AUNIP: variants seen among roughly 807,000 people sequenced by gnomAD.
AUNIP encodes aurora kinase A and ninein interacting protein, also known as aurora kinase A- and ninein-interacting protein.
A neutral mutation model predicts 12.2 loss-of-function variants in AUNIP; 16 were observed. That is an observed-to-expected ratio of 1.31 (90% confidence interval 0.88 to 1.99). The LOEUF is 1.99. AUNIP is among the 30% of genes most tolerant of loss of function. AUNIP has a pLI of 0.00. For synonymous variants in AUNIP, 142 were observed against 154.8 expected, an observed-to-expected ratio of 0.92 and a Z score of 0.61; for missense variants, 411 against 419.1, an observed-to-expected ratio of 0.98 and a Z score of 0.17.
At chr1:25,858,778 T>C (rs1307463832) in intron 1 of AUNIP, among the ~76,000 whole-genome samples, 1 of 152,188 alleles carries the variant, frequency 6.6e-6, no homozygotes, top group Non-Finnish European at 1.5e-5. Flanking sequence ...CCAGCTCCCC[T>C]TCCCATAGCT....
chr1:25,847,617 C>T lies in AUNIP; in HGVS notation c.79-10063G>A, dbSNP rs995710542. Among the ~76,000 whole-genome samples the T allele has an allele frequency of 7.2e-5, 11 of 152,080 alleles. No homozygotes were observed. Among genetic ancestry groups the T allele is most frequent in the African/African-American group, 2.2e-4 (9 of 41,406 alleles). ...TAAGCCTATTTAGGTCCTTCTTGAG[C>T]GTACCTATACTTTTATATAGAGAGA... On this transcript the variant is annotated intron_variant, in intron 1 of 2. Coordinates refer to ENST00000374298, the MANE Select transcript of AUNIP (RefSeq NM_024037.3). The surrounding 1 kb of genome is among the most constrained non-coding windows in gnomAD (Gnocchi z 4.2).
In AUNIP at chr1:25,834,115, T is replaced by C; in HGVS notation, c.*878A>G. ...CCAGATTGTTGTACAGCTCAGGCTT[T>C]TTAAGGGAGATATTTAAACATAGAG... On this transcript the variant is annotated 3_prime_UTR_variant, in exon 3 of 3. Transcript: ENST00000374298. 3.0e-6 allele frequency: 3 copies of C among 985,240 alleles called. No homozygotes were observed. Among genetic ancestry groups the C allele is most frequent in the Non-Finnish European group, 3.6e-6 (3 of 829,766 alleles). 61.0% of individuals were successfully genotyped at this position (985,240 alleles called of 1,614,324 possible).
rs1361367312 is a variant in AUNIP, at chr1:25,837,456, G to A, written c.177C>T (p.Gly59=). The part of the protein sequence containing the change: ...YFTQRRAPST[G]IHQRSIASFF... ...AGGAAGCAATGCTTCTCTGGTGAAT[G>A]CCTGTAGATGGAGCTCTTCTTTGAG... Residue 59 remains glycine (G), a synonymous_variant, in exon 2 of 3, where the codon GGC becomes GGT. Coordinates refer to ENST00000374298, the MANE Select transcript of AUNIP (RefSeq NM_024037.3). 1 of 1,614,094 alleles carries A rather than the reference G, an allele frequency of 6.2e-7. No individual in the cohort carries two copies. Among genetic ancestry groups the A allele is most frequent in the Non-Finnish European group, 8.5e-7 (1 of 1,179,976 alleles).
At chr1:25,859,166 TTC>T in intron 1 of AUNIP, 112 bp downstream of exon 1, 2 of 1,146,132 alleles carry the variant, frequency 1.7e-6, no homozygotes, top group Non-Finnish European at 2.5e-6. Flanking sequence ...CGCTGTTCCC[TTC>T]TCTGTCCCCG....
At chr1:25,833,385 A>C (rs1020544961), downstream of AUNIP, among the ~76,000 whole-genome samples, 8 of 152,084 alleles carry the variant, frequency 5.3e-5, no homozygotes, top group Non-Finnish European at 7.4e-5. Context: ...CAGAGCGTTG[A>C]GATTACAGAC....
intron 1 of AUNIP, among the ~76,000 whole-genome samples, chr1:25,841,508 TTATTG>T (rs2048347255): frequency 1.3e-5 from 2 of 152,060 alleles, no homozygotes; most frequent in South Asian, 4.2e-4. Flanking sequence ...AACTTTTTCA[TTATTG>T]TATCTGTGAT....
intron 2 of AUNIP, among the ~76,000 whole-genome samples, chr1:25,836,667 C>A (rs7525432): frequency 0.79 from 119,468 of 152,184 alleles, 47,165 homozygotes; most frequent in East Asian, 0.98. Flanking sequence ...TTTTCCTTAG[C>A]ATTCAATATA....
intron 1 of AUNIP, among the ~76,000 whole-genome samples, chr1:25,845,901 G>T (rs1322161738): frequency 6.6e-6 from 1 of 152,180 alleles, no homozygotes; most frequent in Non-Finnish European, 1.5e-5. Context: ...ACACAGATGG[G>T]ATGGAAGCGT....
chr1:25,850,945 T>C (rs1477030695), intron 1 of AUNIP, among the ~76,000 whole-genome samples: 1 of 152,172 alleles, frequency 6.6e-6, no homozygotes, highest in Non-Finnish European at 1.5e-5. Context: ...AGTGGCAAGA[T>C]CTTTGTCTTG....
At position 25,847,244 on chromosome 1, in the gene AUNIP, A is replaced by G. The variant is rs1379930736; in HGVS notation, c.79-9690T>C. ...ATAACTGGACCAAAATTACAGCTTA[A>G]AAAACAGTTGTGTTTTTTTTGTTTT... On this transcript the variant is annotated intron_variant, in intron 1 of 2. Coordinates refer to ENST00000374298, the MANE Select transcript of AUNIP (RefSeq NM_024037.3). The surrounding 1 kb of genome is among the most constrained non-coding windows in gnomAD (Gnocchi z 4.2). Among the ~76,000 whole-genome samples the G allele has an allele frequency of 6.6e-6, 1 of 152,162 alleles. No individual in the cohort carries two copies. Among genetic ancestry groups the G allele is most frequent in the African/African-American group, 2.4e-5 (1 of 41,444 alleles).
intron 1 of AUNIP, among the ~76,000 whole-genome samples, chr1:25,852,599 A>C (rs213648): frequency 0.8 from 121,526 of 151,672 alleles, 49,335 homozygotes; most frequent in African/African-American, 0.94. Flanking sequence ...GCCACCACGC[A>C]CAGCTAATTT....
intron 1 of AUNIP, among the ~76,000 whole-genome samples, chr1:25,843,607 AAAAAAAAAAAAAAAAAG>A (rs1325152884): frequency 2.2e-4 from 33 of 149,162 alleles, no homozygotes; most frequent in Admixed American, 1.1e-3. Flanking sequence ...AAAAAAAAAA[AAAAAAAAAAAAAAAAAG>A]GGATTCATGA....
intron 1 of AUNIP, 125 bp from the exon 2 acceptor site, chr1:25,837,679 A>G (rs896678069): frequency 4.8e-5 from 45 of 942,232 alleles, no homozygotes; most frequent in Non-Finnish European, 6.2e-5. Flanking sequence ...CTTATAGCCT[A>G]TTCTCAAGGT....
chr1:25,853,536 G>A (rs2048438099), intron 1 of AUNIP, among the ~76,000 whole-genome samples: 1 of 152,222 alleles, frequency 6.6e-6, no homozygotes, highest in Non-Finnish European at 1.5e-5. Context: ...GTCAAAGTTT[G>A]CAGCGAGCTG....
chr1:25,840,805 G>A (rs1015138679), intron 1 of AUNIP, among the ~76,000 whole-genome samples: 4 of 152,034 alleles, frequency 2.6e-5, no homozygotes, highest in East Asian at 1.9e-4. Context: ...AATTTTATAG[G>A]AGCCACATCC....
intron 1 of AUNIP, among the ~76,000 whole-genome samples, chr1:25,838,601 A>G (rs932209648): frequency 1.2e-4 from 18 of 152,216 alleles, no homozygotes; most frequent in African/African-American, 4.1e-4. Flanking sequence ...CAGTTGGCTA[A>G]TATTAAGAGG....
At chr1:25,848,161 C>G (rs918699459) in intron 1 of AUNIP, among the ~76,000 whole-genome samples, 2 of 152,114 alleles carry the variant, frequency 1.3e-5, no homozygotes, top group Non-Finnish European at 2.9e-5. Flanking sequence ...CAATTTCCAA[C>G]AACATAGCAC....
At position 25,834,148 on chromosome 1, in the gene AUNIP, C is replaced by CT. The variant is rs893688367; in HGVS notation, c.*844dup. 3 of 985,260 alleles carry CT rather than the reference C, an allele frequency of 3.0e-6. No individual in the cohort carries two copies. Among genetic ancestry groups the CT allele is most frequent in the Admixed American group, 6.1e-5 (1 of 16,270 alleles). The allele number at this position is 985,260 out of a possible 1,614,324, so 61.0% of individuals were successfully genotyped here. Reference sequence around the variant, plus strand: ...AGATATTTAAACATAGAGTATATAACTTTAAAGTGCTGTACAGTTACCACA... The same window carrying CT: ...AGATATTTAAACATAGAGTATATAACTTTTAAAGTGCTGTACAGTTACCACA... On this transcript the variant is annotated 3_prime_UTR_variant, in exon 3 of 3. Transcript: ENST00000374298.
At position 25,834,304 on chromosome 1, in the gene AUNIP, A is replaced by G. The variant is rs538669106; in HGVS notation, c.*689T>C. The G allele has an allele frequency of 1.4e-5, 14 of 985,326 alleles. No homozygotes were observed. The East Asian group carries it at 1.5e-3, about 104-fold the overall frequency. 61.0% of individuals were successfully genotyped at this position (985,326 alleles called of 1,614,324 possible). On this transcript the variant is annotated 3_prime_UTR_variant, in exon 3 of 3. Coordinates refer to ENST00000374298, the MANE Select transcript of AUNIP (RefSeq NM_024037.3). ...CAAGCTTAGGCTGATGTGGGTTAAG[A>G]TCAGCCAGAGATTAAAAGCTCACAC...
Sources: allele counts gnomAD v4.1 joint callset (sites outside exome capture counted in the v4.1 genomes callset), GRCh38; gene constraint gnomAD v4.1.1; non-coding constraint Gnocchi (gnomAD v3.1); transcripts MANE v1.5; gene names NCBI Gene and HGNC (gene_info 2026-07-23, HGNC 2026-07-21).